Variants in IL23R observed in about 807,000 individuals in gnomAD.
The protein encoded by IL23R is interleukin-23 receptor.
IL23R carries 34 observed loss-of-function variants against 56.9 expected under a neutral mutation model. The observed-to-expected ratio is 0.60, with a 90% CI of 0.45 to 0.80. IL23R has a LOEUF of 0.80. Among genes scored for constraint, IL23R ranks in the 30% least tolerant of loss-of-function variants. The pLI is 0.00. For missense variants in IL23R, 635 were observed against 730.0 expected, an observed-to-expected ratio of 0.87 and a Z score of 1.50; for synonymous variants, 230 against 249.2, an observed-to-expected ratio of 0.92 and a Z score of 0.73.
intron 9 of IL23R, among the ~76,000 whole-genome samples, chr1:67,250,273 C>A (rs148850427): frequency 6.6e-6 from 1 of 152,180 alleles, no homozygotes; most frequent in Non-Finnish European, 1.5e-5. Context: ...ATGACTTATG[C>A]AGACCATCTA....
chr1:67,140,811 T>C (rs1570748922), intron 1 of IL23R, among the ~76,000 whole-genome samples: 1 of 152,288 alleles, frequency 6.6e-6, no homozygotes, highest in African/African-American at 2.4e-5. Flanking sequence ...ACTTATTAGA[T>C]TTATTATGTG....
At chr1:67,245,929 C>T (rs1652191225) in intron 9 of IL23R, among the ~76,000 whole-genome samples, 1 of 152,158 alleles carries the variant, frequency 6.6e-6, no homozygotes, top group South Asian at 2.1e-4. Flanking sequence ...GGCTGTGAAT[C>T]CGTCTGGTCC....
intron 7 of IL23R, among the ~76,000 whole-genome samples, chr1:67,234,691 A>C (rs1651343969): frequency 6.7e-6 from 1 of 148,732 alleles, no homozygotes; most frequent in Non-Finnish European, 1.5e-5. Flanking sequence ...TTACCTTTTA[A>C]TGTAGTATTT....
At chr1:67,237,071 C>T (rs1375094596) in intron 8 of IL23R, among the ~76,000 whole-genome samples, 1 of 152,048 alleles carries the variant, frequency 6.6e-6, no homozygotes, top group Non-Finnish European at 1.5e-5. Context: ...GAGACGAAGC[C>T]TTGTTCTGTC....
intron 1 of IL23R, among the ~76,000 whole-genome samples, chr1:67,142,799 C>T (rs1646650057): frequency 1.3e-5 from 2 of 152,164 alleles, no homozygotes; most frequent in African/African-American, 2.4e-5. Flanking sequence ...AACTCCTGAC[C>T]TCAGGTGATC....
intron 9 of IL23R, 136 bp from the exon 10 acceptor site, chr1:67,255,701 A>G (rs1652907123): frequency 1.2e-5 from 7 of 575,016 alleles, no homozygotes; most frequent in Non-Finnish European, 2.3e-5. Flanking sequence ...AGCCTCCCAA[A>G]GTGCTGGGAT....
intron 4 of IL23R, among the ~76,000 whole-genome samples, chr1:67,196,423 C>T (rs1339476121): frequency 6.6e-6 from 1 of 152,002 alleles, no homozygotes; most frequent in African/African-American, 2.4e-5. Context: ...GCCTGCGATC[C>T]CAGCTACTCA....
intron 1 of IL23R, among the ~76,000 whole-genome samples, chr1:67,148,360 G>T (rs1646700636): frequency 6.6e-6 from 1 of 152,244 alleles, no homozygotes; most frequent in Non-Finnish European, 1.5e-5. Flanking sequence ...GGGACCCAAA[G>T]GGGGTTTCCC....
intron 5 of IL23R, 116 bp from the exon 6 acceptor site, chr1:67,206,794 T>G: frequency 1.7e-6 from 2 of 1,149,798 alleles, no homozygotes; most frequent in Non-Finnish European, 2.4e-6. Flanking sequence ...AGACCATGAA[T>G]TTTATTTTTT....
intron 4 of IL23R, among the ~76,000 whole-genome samples, chr1:67,187,098 G>A (rs1647395306): frequency 6.6e-6 from 1 of 152,048 alleles, no homozygotes; most frequent in South Asian, 2.1e-4. Context: ...CATATATTTA[G>A]GAATAGAATT....
At chr1:67,195,677 G>A (rs902562840) in intron 4 of IL23R, among the ~76,000 whole-genome samples, 10 of 152,086 alleles carry the variant, frequency 6.6e-5, no homozygotes, top group East Asian at 1.9e-4. Flanking sequence ...CACTGGAACC[G>A]AAAAACCTGA....
At chr1:67,160,143 G>A (rs1191488202) in intron 1 of IL23R, among the ~76,000 whole-genome samples, 3 of 151,990 alleles carry the variant, frequency 2.0e-5, no homozygotes, top group South Asian at 2.1e-4. Context: ...ATGAGCCACC[G>A]CGCCCAGCCT....
exon 1 of IL23R, chr1:67,139,016 A>G (rs1646609375): frequency 6.6e-6 from 1 of 152,298 alleles, no homozygotes; most frequent in South Asian, 2.1e-4. Flanking sequence ...GCCTTATGCT[A>G]TGGGAGCCAC....
At chr1:67,219,496 G>A in intron 6 of IL23R, 78 bp from the exon 7 acceptor site, 1 of 1,365,202 alleles carries the variant, frequency 7.3e-7, no homozygotes, top group Non-Finnish European at 1.0e-6. Context: ...CATAATAGGT[G>A]TTCCATACAT....
At chr1:67,222,269 A>G (rs1037840164) in intron 7 of IL23R, among the ~76,000 whole-genome samples, 3 of 151,086 alleles carry the variant, frequency 2.0e-5, no homozygotes, top group Non-Finnish European at 3.0e-5. Context: ...GGCACCCACC[A>G]CTATGCCTGG....
At chr1:67,247,827 A>C (rs527810383) in intron 9 of IL23R, among the ~76,000 whole-genome samples, 1 of 152,282 alleles carries the variant, frequency 6.6e-6, no homozygotes, top group South Asian at 2.1e-4. Context: ...AGAATCTCTC[A>C]GCATTTGCTT....
intron 1 of IL23R, among the ~76,000 whole-genome samples, chr1:67,161,403 A>G (rs1356254451): frequency 6.6e-6 from 1 of 152,168 alleles, no homozygotes; most frequent in African/African-American, 2.4e-5. Context: ...GAAGTTATAG[A>G]AAAGCAAAAG....
intron 10 of IL23R, among the ~76,000 whole-genome samples, chr1:67,256,326 G>A (rs1652945733): frequency 6.6e-6 from 1 of 152,122 alleles, no homozygotes; most frequent in African/African-American, 2.4e-5. Context: ...GAGCCAGGTG[G>A]AGCCCAAGAA....
chr1:67,150,962 T>A (rs1193860334), intron 1 of IL23R, among the ~76,000 whole-genome samples: 1 of 152,222 alleles, frequency 6.6e-6, no homozygotes, highest in Non-Finnish European at 1.5e-5. Flanking sequence ...TTCTTTTGAG[T>A]ATCTACCTAG....
Sources: gnomAD v4.1 joint callset for allele counts (sites outside exome capture counted in the v4.1 genomes callset) on GRCh38, gnomAD v4.1.1 for gene constraint, MANE v1.5 for transcripts, NCBI Gene and HGNC (gene_info 2026-07-23, HGNC 2026-07-21) for gene names.